Variants in ZNF81 observed in about 807,000 individuals in gnomAD.
ZNF81 encodes the protein zinc finger protein 81.
In ZNF81, 5 loss-of-function variants were observed where a neutral mutation model predicts 32.3. That is an observed-to-expected ratio of 0.15 (90% CI 0.08 to 0.33). The LOEUF (loss-of-function observed/expected upper bound fraction) is 0.33, where lower values mean the gene tolerates loss of function less well. ZNF81 is among the 10% of genes least tolerant of loss of function. The probability of loss-of-function intolerance (pLI) is 1.00; values close to 1 mark genes in which losing one functional copy is unlikely to be tolerated. For synonymous variants in ZNF81, 163 were observed against 166.8 expected (o/e 0.98, Z 0.17); for missense variants, 379 against 479.8 (o/e 0.79, Z 1.96).
chrX:47,880,549 G>C, intron 2 of ZNF81, among the ~76,000 whole-genome samples: 1 of 112,114 alleles, frequency 8.9e-6, no homozygotes. Context: ...TTCTCAGCTG[G>C]AATTCTTCTG....
intron 3 of ZNF81, 88 bp downstream of exon 3, chrX:47,888,213 C>G: frequency 9.1e-7 from 1 of 1,099,115 alleles, no homozygotes; most frequent in Non-Finnish European, 1.2e-6. Flanking sequence ...TCCTAATACC[C>G]CAGCCCCCCA....
Position 47,915,371 on chromosome X carries a change from G to C in ZNF81, c.725G>C (p.Gly242Ala). ...AGTCACCACGAAAATACACATACAG[G>C]AGTGAAGTTCTGTGAACGTAATCAA... The part of the protein sequence containing the change: ...SYSHHENTHT[G>A]VKFCERNQCG... Residue 242 changes from glycine (G) to alanine (A), a missense_variant, in exon 5 of 5, where the codon GGA becomes GCA. Physicochemically the swap from Gly to Ala is moderately conservative, Grantham distance 60. Coordinates refer to ENST00000338637, the MANE Select transcript of ZNF81 (RefSeq NM_007137.5). 1 of 1,211,447 alleles carries C rather than the reference G, an allele frequency of 8.3e-7. No individual in the cohort carries two copies. Among genetic ancestry groups the C allele is most frequent in the Non-Finnish European group, 1.1e-6 (1 of 895,337 alleles).
Position 47,924,223 on chromosome X carries a change from T to C in ZNF81, c.*7591T>C, listed in dbSNP as rs2058785043. Among the ~76,000 whole-genome samples, 1 of 112,449 alleles carries C rather than the reference T, an allele frequency of 8.9e-6. No individual in the cohort carries two copies. The highest frequency in any genetic ancestry group is 3.2e-5 in the African/African-American group (1 of 30,959). On this transcript the variant is annotated 3_prime_UTR_variant, in exon 5 of 5. Transcript: ENST00000338637. ...AATGCTCATAGTTATTATGCTTCCC[T>C]GATTGACATATTTATACTTTCTTTT...
intron 2 of ZNF81, among the ~76,000 whole-genome samples, chrX:47,881,497 T>A (rs2058620559): frequency 8.9e-6 from 1 of 112,398 alleles, no homozygotes. Flanking sequence ...GGGACAGATA[T>A]TCAAACCATA....
At chrX:47,887,922 A>G (rs1556885987) in intron 2 of ZNF81, 77 bp from the exon 3 acceptor site, 7 of 1,180,744 alleles carry the variant, frequency 5.9e-6, no homozygotes, top group Non-Finnish European at 8.1e-6. Context: ...AAAAGTATCA[A>G]AAAGAGCTTC....
chrX:47,893,047 A>C (rs1399010583), intron 3 of ZNF81, among the ~76,000 whole-genome samples: 13 of 112,341 alleles, frequency 1.2e-4, no homozygotes, highest in Non-Finnish European at 1.9e-4. Context: ...TTCAATGTCT[A>C]GTCTATTTCC....
At chrX:47,887,858 G>GTA (rs2058647990) in intron 2 of ZNF81, 141 bp from the exon 3 acceptor site, 1 of 617,592 alleles carries the variant, frequency 1.6e-6, no homozygotes, top group South Asian at 2.8e-5. Flanking sequence ...TTACATATGT[G>GTA]TATATATATA....
At chrX:47,846,350 T>C (rs1556880510) in intron 2 of ZNF81, 29 bp downstream of exon 2, 3 of 1,196,109 alleles carry the variant, frequency 2.5e-6, no homozygotes, top group Non-Finnish European at 3.4e-6. Context: ...TGCCCAGGGA[T>C]TGGAATTCAT....
intron 2 of ZNF81, among the ~76,000 whole-genome samples, chrX:47,852,272 C>T (rs1271591954): frequency 8.9e-6 from 1 of 111,887 alleles, no homozygotes; most frequent in Non-Finnish European, 1.9e-5. Flanking sequence ...GTTGACCGAT[C>T]GGGGTGGTGG....
At position 47,917,647 on chromosome X, in the gene ZNF81, T is replaced by G. The variant is rs2058762104; in HGVS notation, c.*1015T>G. On this transcript the variant is annotated 3_prime_UTR_variant, in exon 5 of 5. Transcript: ENST00000338637. Reference sequence around the variant, plus strand: ...CCCTTAGACCAAGTAGCCTGCCAATTGTCAGAATTGGGAGTGAGGTTTTCC... The same window carrying G: ...CCCTTAGACCAAGTAGCCTGCCAATGGTCAGAATTGGGAGTGAGGTTTTCC... 1.2e-5 allele frequency: 2 copies of G among 170,955 alleles called. No homozygotes were observed. Among genetic ancestry groups the G allele is most frequent in the Admixed American group, 1.6e-4 (2 of 12,334 alleles). The allele number at this position is 170,955 out of a possible 1,213,427, so 14.1% of individuals were successfully genotyped here.
At chrX:47,864,376 C>T (rs984159980) in intron 2 of ZNF81, among the ~76,000 whole-genome samples, 104 of 111,813 alleles carry the variant, frequency 9.3e-4, no homozygotes, top group African/African-American at 3.2e-3. Flanking sequence ...ATTATGAGGC[C>T]AGAGCTGGCT....
Position 47,869,870 on chromosome X carries a change from AT to A in ZNF81, c.55-18124del, listed in dbSNP as rs782164982. ...ACCACTGCACCCGGCTAATTTTTGT[AT>A]TTTTAGTAGAGACAGGGTTTTGTCA... On this transcript the variant is annotated intron_variant, in intron 2 of 4. Transcript: ENST00000338637. 6.9e-3 allele frequency among the ~76,000 whole-genome samples: 757 copies of A among 110,378 alleles called. 15 individuals carry two copies. The highest frequency in any genetic ancestry group is 0.024 in the African/African-American group (726 of 30,307).
intron 4 of ZNF81, among the ~76,000 whole-genome samples, chrX:47,911,422 C>T (rs1427811176): frequency 3.1e-5 from 3 of 95,369 alleles, no homozygotes; most frequent in Middle Eastern, 4.7e-3. Flanking sequence ...TATTATTCTT[C>T]CCTATTTCTG....
chrX:47,874,603 G>A (rs2058592568), intron 2 of ZNF81, among the ~76,000 whole-genome samples: 1 of 103,596 alleles, frequency 9.7e-6, no homozygotes, highest in Non-Finnish European at 2.0e-5. Flanking sequence ...GTGTAGGTCT[G>A]GGGTAGCTTT....
chrX:47,884,605 T>C (rs782364878), intron 2 of ZNF81, among the ~76,000 whole-genome samples: 145 of 112,034 alleles, frequency 1.3e-3, no homozygotes, highest in African/African-American at 4.5e-3. Context: ...ATGCATCAAA[T>C]AGATAAGTAA....
chrX:47,912,324 C>T (rs1167977589), intron 4 of ZNF81, among the ~76,000 whole-genome samples: 7 of 107,827 alleles, frequency 6.5e-5, no homozygotes, highest in Non-Finnish European at 1.1e-4. Flanking sequence ...GTCTGAAGTA[C>T]AGTATCAAAC....
intron 2 of ZNF81, among the ~76,000 whole-genome samples, chrX:47,880,452 G>A (rs782698844): frequency 1.1e-4 from 12 of 112,002 alleles, no homozygotes; most frequent in Admixed American, 4.7e-4. Flanking sequence ...GGGCTGAAGC[G>A]ATCTACCCAC....
chrX:47,881,370 A>G (rs2058620097), intron 2 of ZNF81, among the ~76,000 whole-genome samples: 1 of 111,637 alleles, frequency 9.0e-6, no homozygotes, highest in African/African-American at 3.3e-5. Context: ...CACCCTTGCA[A>G]CATATTTTCC....
chrX:47,846,424 A>T, intron 2 of ZNF81, 103 bp downstream of exon 2: 1 of 984,007 alleles, frequency 1.0e-6, no homozygotes, highest in Non-Finnish European at 1.4e-6. Context: ...TTTAGCAGGC[A>T]GGAAAATTTC....
Sources: gnomAD v4.1 joint callset for allele counts (sites outside exome capture counted in the v4.1 genomes callset) on GRCh38, gnomAD v4.1.1 for gene constraint, MANE v1.5 for transcripts, NCBI Gene and HGNC (gene_info 2026-07-23, HGNC 2026-07-21) for gene names.